The following RBFOX1 variants were observed in gnomAD, a reference collection of about 807,000 sequenced individuals.
RBFOX1 encodes RNA binding fox-1 homolog 1.
RBFOX1 carries 8 observed loss-of-function variants against 57.7 expected under a neutral mutation model. The observed-to-expected ratio is 0.14, with a 90% CI of 0.08 to 0.25. RBFOX1 has a LOEUF of 0.25. RBFOX1 is among the 10% of genes least tolerant of loss of function. The pLI is 1.00. For synonymous variants in RBFOX1, 326 were observed against 222.4 expected, an observed-to-expected ratio of 1.47 and a Z score of -4.15; for missense variants, 611 against 548.5, an observed-to-expected ratio of 1.11 and a Z score of -1.14.
At chr16:6,671,603 C>G (rs1481673600) in intron 3 of RBFOX1, among the ~76,000 whole-genome samples, 1 of 152,068 alleles carries the variant, frequency 6.6e-6, no homozygotes, top group East Asian at 1.9e-4. Flanking sequence ...AGTTTTCTAT[C>G]CCTCACCTGC....
intron 14 of RBFOX1, among the ~76,000 whole-genome samples, chr16:7,699,986 C>T (rs28405894): frequency 6.6e-6 from 1 of 152,066 alleles, no homozygotes; most frequent in Admixed American, 6.6e-5. Flanking sequence ...TTTAACGTTG[C>T]CTCCTGGTGC....
At chr16:7,188,220 A>G (rs906311932) in intron 4 of RBFOX1, among the ~76,000 whole-genome samples, 2 of 152,370 alleles carry the variant, frequency 1.3e-5, no homozygotes, top group African/African-American at 2.4e-5. Context: ...GCCTGTGTGC[A>G]TTCTGCATAG....
chr16:6,338,139 G>A (rs2084025782), intron 2 of RBFOX1, among the ~76,000 whole-genome samples: 2 of 152,262 alleles, frequency 1.3e-5, no homozygotes, highest in Middle Eastern at 3.4e-3. Context: ...TTTTTTAGTG[G>A]TGAGAATAAA....
At chr16:6,402,022 G>A (rs1596640754) in intron 2 of RBFOX1, among the ~76,000 whole-genome samples, 1 of 151,354 alleles carries the variant, frequency 6.6e-6, no homozygotes, top group South Asian at 2.1e-4. Flanking sequence ...GGCCCCAACC[G>A]TGATACCTTT....
chr16:7,049,128 C>T (rs1370789615), intron 3 of RBFOX1, among the ~76,000 whole-genome samples: 1 of 152,160 alleles, frequency 6.6e-6, no homozygotes, highest in African/African-American at 2.4e-5. Flanking sequence ...TATTTTCTCT[C>T]CGGGATCCTC....
intron 3 of RBFOX1, among the ~76,000 whole-genome samples, chr16:5,655,362 A>C (rs926885281): frequency 2.0e-5 from 3 of 152,096 alleles, no homozygotes; most frequent in African/African-American, 4.8e-5. Context: ...GTTGCCTGAG[A>C]ATGGAAAGAC....
chr16:5,884,653 T>A (rs954094724), intron 4 of RBFOX1, among the ~76,000 whole-genome samples: 6 of 152,092 alleles, frequency 3.9e-5, no homozygotes, highest in Non-Finnish European at 8.8e-5. Context: ...TCATTCCATG[T>A]TGGAGTCGAA....
chr16:7,076,970 G>C (rs1381944834), intron 4 of RBFOX1, among the ~76,000 whole-genome samples: 2 of 152,208 alleles, frequency 1.3e-5, no homozygotes, highest in Non-Finnish European at 2.9e-5. Flanking sequence ...GCTTGGAAAT[G>C]TGCAGTGTTA....
rs2059414226 is a variant in RBFOX1 at position 5,947,040 on chromosome 16, C to T, written c.351+79705C>T. 6.6e-6 allele frequency among the ~76,000 whole-genome samples: 1 copy of T among 152,228 alleles called. No homozygotes were observed. The highest frequency in any genetic ancestry group is 1.5e-5 in the Non-Finnish European group (1 of 68,006). On this transcript the variant is annotated intron_variant, in intron 4 of 19. Coordinates refer to the RBFOX1 transcript ENST00000641259. The surrounding 1 kb of genome is among the most constrained non-coding windows in gnomAD (Gnocchi z 7.2). ...CAGCTCTAGCAATATAGTGACACCC[C>T]ATCTGTACAAAATAAAGTGAAAATA...
chr16:6,560,321 G>C (rs1164779120), intron 2 of RBFOX1, among the ~76,000 whole-genome samples: 1 of 127,586 alleles, frequency 7.8e-6, no homozygotes, highest in Non-Finnish European at 1.7e-5. Context: ...AACAGAAAAG[G>C]ATGAGGAGGG....
At chr16:5,810,364 C>T (rs1453976458) in intron 3 of RBFOX1, among the ~76,000 whole-genome samples, 7 of 152,228 alleles carry the variant, frequency 4.6e-5, no homozygotes, top group African/African-American at 1.7e-4. Flanking sequence ...GTGGTGTCAA[C>T]AGCCAAGGAG....
At position 6,212,039 on chromosome 16, in the gene RBFOX1, G is replaced by T. The variant is rs1158962826; in HGVS notation, c.-126-104956G>T. The stretch of plus-strand genomic sequence containing the variant: ...TAAGTTTTTGTATTTTTCTTTTTTA[G>T]TAGAGATGGAGTTTTGCCATGTTGG... On this transcript the variant is annotated intron_variant, in intron 1 of 15. Transcript: ENST00000550418. Among the ~76,000 whole-genome samples the T allele has an allele frequency of 2.0e-5, 3 of 151,942 alleles. No homozygotes were observed. The East Asian group carries it at 5.9e-4, about 30-fold the overall frequency.
chr16:7,012,647 C>A (rs1231119300), intron 3 of RBFOX1, among the ~76,000 whole-genome samples: 1 of 152,100 alleles, frequency 6.6e-6, no homozygotes, highest in African/African-American at 2.4e-5. Context: ...TCCAACAGAC[C>A]TTTCTTTATT....
chr16:6,456,294 G>A (rs1307851633), intron 2 of RBFOX1, among the ~76,000 whole-genome samples: 1 of 152,124 alleles, frequency 6.6e-6, no homozygotes, highest in East Asian at 1.9e-4. Context: ...GTGTAAGAGT[G>A]TGCATCTATT....
intron 3 of RBFOX1, among the ~76,000 whole-genome samples, chr16:7,032,320 C>G (rs998018350): frequency 6.6e-6 from 1 of 151,986 alleles, no homozygotes; most frequent in African/African-American, 2.4e-5. Flanking sequence ...TGGGAGGAGC[C>G]TGTAGTCCTA....
chr16:7,692,905 A>G (rs560421517), intron 14 of RBFOX1, among the ~76,000 whole-genome samples: 14 of 151,282 alleles, frequency 9.3e-5, no homozygotes, highest in Admixed American at 1.3e-4. Flanking sequence ...TTTTGATATT[A>G]TAAGTCTAGA....
intron 1 of RBFOX1, among the ~76,000 whole-genome samples, chr16:5,443,376 T>C (rs1266422113): frequency 1.3e-5 from 2 of 152,184 alleles, no homozygotes; most frequent in Non-Finnish European, 2.9e-5. Context: ...GTCACTCTGT[T>C]ACCCAGGCTG....
chr16:6,298,727 C>G (rs1200430621), intron 1 of RBFOX1, among the ~76,000 whole-genome samples: 1 of 152,182 alleles, frequency 6.6e-6, no homozygotes, highest in Admixed American at 6.5e-5. Flanking sequence ...CAAGCCATCT[C>G]AAGAGACTGT....
chr16:7,665,990 C>A (rs910295183), intron 13 of RBFOX1, among the ~76,000 whole-genome samples: 1 of 152,156 alleles, frequency 6.6e-6, no homozygotes, highest in Admixed American at 6.5e-5. Context: ...TTACTATAAT[C>A]TGTGGGTTAG....
Sources: gnomAD v4.1 joint callset for allele counts (sites outside exome capture counted in the v4.1 genomes callset) on GRCh38, gnomAD v4.1.1 for gene constraint, Gnocchi (gnomAD v3.1) non-coding constraint, MANE v1.5 for transcripts, NCBI Gene and HGNC (gene_info 2026-07-23, HGNC 2026-07-21) for gene names.